PSEN1: variants seen among roughly 807,000 people sequenced by gnomAD.
PSEN1 encodes the protein presenilin-1.
A neutral mutation model predicts 53.5 loss-of-function variants in PSEN1; 15 were observed. The observed-to-expected ratio is 0.28, with a 90% CI of 0.19 to 0.43. The LOEUF (loss-of-function observed/expected upper bound fraction) is 0.43, where lower values mean the gene tolerates loss of function less well. Ranked by LOEUF, PSEN1 falls within the 20% of genes least tolerant of loss-of-function variation. PSEN1 has a pLI of 1.00. For missense variants in PSEN1, 387 were observed against 571.2 expected (o/e 0.68, Z 3.29); for synonymous variants, 208 against 209.8 (o/e 0.99, Z 0.08).
intron 5 of PSEN1, among the ~76,000 whole-genome samples, chr14:73,175,362 G>A (rs1198861842): frequency 6.6e-6 from 1 of 151,998 alleles, no homozygotes; most frequent in Non-Finnish European, 1.5e-5. Flanking sequence ...CCTGACCTCA[G>A]GTGATCCACC....
chr14:73,222,078 A>G lies in PSEN1; in HGVS notation c.*2789A>G, dbSNP rs1233216312. On this transcript the variant is annotated 3_prime_UTR_variant, in exon 12 of 12. Coordinates refer to ENST00000324501, the MANE Select transcript of PSEN1 (RefSeq NM_000021.4). ...TACCAATCATATTTGGAAGATTTGC[A>G]GATTTTTTTTCAGAGAGGAAAGACT... The G allele has an allele frequency of 6.6e-6, 1 of 152,224 alleles. No homozygotes were observed. The highest frequency in any genetic ancestry group is 1.5e-5 in the Non-Finnish European group (1 of 68,044). 9.4% of individuals were successfully genotyped at this position (152,224 alleles called of 1,614,324 possible).
At chr14:73,141,232 A>G (rs1217481110) in intron 1 of PSEN1, among the ~76,000 whole-genome samples, 1 of 152,148 alleles carries the variant, frequency 6.6e-6, no homozygotes. Flanking sequence ...TCCCTTGGCC[A>G]GGCTGGGGGA....
At chr14:73,218,890 A>G (rs55730237) in intron 11 of PSEN1, among the ~76,000 whole-genome samples, 134 of 152,306 alleles carry the variant, frequency 8.8e-4, no homozygotes, top group Admixed American at 1.4e-3. Flanking sequence ...TTCAGATTCT[A>G]TTTCTTTACT....
chr14:73,204,170 G>C (rs1594748691), intron 8 of PSEN1, among the ~76,000 whole-genome samples: 1 of 151,828 alleles, frequency 6.6e-6, no homozygotes, highest in Middle Eastern at 3.4e-3. Context: ...GGCTAATTTT[G>C]TATTTTTAGT....
intron 3 of PSEN1, among the ~76,000 whole-genome samples, chr14:73,157,142 C>T (rs1320785107): frequency 5.6e-5 from 8 of 142,572 alleles, no homozygotes; most frequent in African/African-American, 1.3e-4. Context: ...TTTTTTTTTG[C>T]GAGGGAGTTT....
chr14:73,143,502 C>G (rs766633762), intron 1 of PSEN1, among the ~76,000 whole-genome samples: 8 of 152,202 alleles, frequency 5.3e-5, no homozygotes, highest in Non-Finnish European at 1.0e-4. Context: ...AGATTCCTTT[C>G]CTCATGAGGT....
chr14:73,169,760 C>T lies in PSEN1; in HGVS notation c.88-1037C>T, dbSNP rs568363633. On this transcript the variant is annotated intron_variant, in intron 3 of 11. Coordinates refer to ENST00000324501, the MANE Select transcript of PSEN1 (RefSeq NM_000021.4). The stretch of plus-strand genomic sequence containing the variant: ...ACCCAGGTTCAGGTGATTCTCCTGC[C>T]GTAGCCTCATGAGTAGCTGGGATTA... 2.2e-3 allele frequency among the ~76,000 whole-genome samples: 335 copies of T among 152,118 alleles called. 1 individual carries two copies. Among genetic ancestry groups the T allele is most frequent in the African/African-American group, 7.6e-3 (316 of 41,488 alleles).
At chr14:73,197,769 G>A (rs942024791) in intron 7 of PSEN1, 6 of 466,942 alleles carry the variant, frequency 1.3e-5, no homozygotes, top group African/African-American at 2.0e-5. Context: ...CCCCAGTAAC[G>A]ATACACTGTA....
At chr14:73,211,054 G>A (rs553580587) in intron 9 of PSEN1, among the ~76,000 whole-genome samples, 1 of 152,228 alleles carries the variant, frequency 6.6e-6, no homozygotes, top group South Asian at 2.1e-4. Flanking sequence ...ACCAAATCCA[G>A]GGATGAGTGC....
chr14:73,222,119 G>C lies in PSEN1; in HGVS notation c.*2830G>C, dbSNP rs1030170110. 6.6e-6 allele frequency: 1 copy of C among 152,100 alleles called. No homozygotes were observed. The highest frequency in any genetic ancestry group is 1.5e-5 in the Non-Finnish European group (1 of 68,016). The allele number at this position is 152,100 out of a possible 1,614,324, so 9.4% of individuals were successfully genotyped here. Reference sequence around the variant, plus strand: ...AGGAAAGACTCACCTTCCTGTTTTTGGTTCTCAGTAGGTTCGTGTGTGTTC... The same window carrying C: ...AGGAAAGACTCACCTTCCTGTTTTTCGTTCTCAGTAGGTTCGTGTGTGTTC... On this transcript the variant is annotated 3_prime_UTR_variant, in exon 12 of 12. Transcript: ENST00000324501.
intron 11 of PSEN1, 71 bp from the exon 12 acceptor site, chr14:73,219,063 G>A: frequency 8.6e-6 from 13 of 1,513,080 alleles, no homozygotes; most frequent in South Asian, 3.4e-5. Flanking sequence ...ACCAAGACTT[G>A]TGATTGAGTT....
intron 1 of PSEN1, chr14:73,139,338 G>C (rs1268420574): frequency 6.6e-6 from 1 of 151,958 alleles, no homozygotes. Context: ...CCAGCACTTT[G>C]GGAGGCCGAG....
intron 3 of PSEN1, among the ~76,000 whole-genome samples, chr14:73,149,316 T>C (rs937166185): frequency 6.6e-6 from 1 of 151,944 alleles, no homozygotes; most frequent in Non-Finnish European, 1.5e-5. Flanking sequence ...ATAGAGAGGT[T>C]CTGTGTTTTT....
intron 3 of PSEN1, among the ~76,000 whole-genome samples, chr14:73,166,341 A>G (rs139537733): frequency 1.3e-5 from 2 of 152,312 alleles, no homozygotes; most frequent in African/African-American, 2.4e-5. Context: ...AAAGAAAACA[A>G]GTTTTGAGGC....
rs563474000 is a variant in PSEN1, at chr14:73,181,595, T to TA, written c.481-5249dup. Among the ~76,000 whole-genome samples, 339 of 151,760 alleles carry TA rather than the reference T, an allele frequency of 2.2e-3. 1 individual carries two copies. Among genetic ancestry groups the TA allele is most frequent in the African/African-American group, 7.3e-3 (304 of 41,384 alleles). On this transcript the variant is annotated intron_variant, in intron 5 of 11. Transcript: ENST00000324501. ...GAAACATAGTGAGACCCCAGTCTCT[T>TA]AAAAAAAAATCATATTTTCAAATAA...
At chr14:73,215,835 A>G (rs562099274) in intron 10 of PSEN1, among the ~76,000 whole-genome samples, 81 of 152,336 alleles carry the variant, frequency 5.3e-4, no homozygotes, top group Non-Finnish European at 2.9e-4. Context: ...TGGAACTCTC[A>G]ATTGTTGCTG....
chr14:73,177,630 G>T (rs575605579), intron 5 of PSEN1, among the ~76,000 whole-genome samples: 132 of 152,180 alleles, frequency 8.7e-4, no homozygotes, highest in Admixed American at 1.2e-3. Context: ...TATTACTGAA[G>T]GATATTGTTA....
intron 6 of PSEN1, among the ~76,000 whole-genome samples, chr14:73,187,541 G>A (rs1369798533): frequency 1.3e-5 from 2 of 152,062 alleles, no homozygotes; most frequent in African/African-American, 2.4e-5. Flanking sequence ...GACAGAAGAA[G>A]CAAATATGAG....
chr14:73,187,056 A>G, intron 6 of PSEN1, 136 bp downstream of exon 6: 1 of 746,930 alleles, frequency 1.3e-6, no homozygotes, highest in Non-Finnish European at 2.4e-6. Context: ...CATACTTGGT[A>G]TATAAAAGAC....
Sources: allele counts gnomAD v4.1 joint callset (sites outside exome capture counted in the v4.1 genomes callset), GRCh38; gene constraint gnomAD v4.1.1; transcripts MANE v1.5; gene names NCBI Gene and HGNC (gene_info 2026-07-23, HGNC 2026-07-21).